LSP1: variants seen among roughly 807,000 people sequenced by gnomAD.
LSP1 encodes lymphocyte-specific protein 1.
A neutral mutation model predicts 49.3 loss-of-function variants in LSP1; 32 were observed. That is an observed-to-expected ratio of 0.65 (90% CI 0.49 to 0.87). LSP1 has a LOEUF of 0.87. Among genes scored for constraint, LSP1 ranks in the 40% least tolerant of loss-of-function variants. LSP1 has a pLI of 0.00. For missense variants in LSP1, 428 were observed against 442.6 expected (o/e 0.97, Z 0.30); for synonymous variants, 179 against 178.8 (o/e 1.00, Z -0.01).
At chr11:1,889,762 G>T in intron 10 of LSP1, 3 of 650,006 alleles carry the variant, frequency 4.6e-6, no homozygotes, top group Non-Finnish European at 8.5e-6. Flanking sequence ...TCCAGCGAGC[G>T]GCAGGTCGGG....
chr11:1,890,328 C>G (rs1589836617), intron 10 of LSP1: 1 of 712,950 alleles, frequency 1.4e-6, no homozygotes, highest in Non-Finnish European at 2.6e-6. Flanking sequence ...GGGGTGCGGG[C>G]CCTCAGCAGC....
At chr11:1,888,786 G>A (rs893743310) in intron 10 of LSP1, 2 of 223,596 alleles carry the variant, frequency 8.9e-6, no homozygotes, top group Non-Finnish European at 1.7e-5. Flanking sequence ...ATCAGTGAGA[G>A]GCCCAGGCCC....
At chr11:1,855,585 G>A (rs1847468357) in intron 1 of LSP1, among the ~76,000 whole-genome samples, 1 of 152,196 alleles carries the variant, frequency 6.6e-6, no homozygotes, top group Admixed American at 6.5e-5. Flanking sequence ...CCCAGGACAG[G>A]ACTGTCCTCT....
intron 8 of LSP1, 129 bp from the exon 9 acceptor site, chr11:1,887,107 GA>G: frequency 1.0e-6 from 1 of 1,002,552 alleles, no homozygotes; most frequent in Non-Finnish European, 1.5e-6. Flanking sequence ...GGATCACACA[GA>G]AAAAGTTTAG....
At chr11:1,881,880 G>A (rs905009886) in intron 3 of LSP1, among the ~76,000 whole-genome samples, 4 of 152,168 alleles carry the variant, frequency 2.6e-5, no homozygotes, top group Non-Finnish European at 5.9e-5. Flanking sequence ...GAGGGGCCGC[G>A]AGGAAACCTC....
chr11:1,889,420 C>T (rs767812225), intron 10 of LSP1: 27 of 672,566 alleles, frequency 4.0e-5, no homozygotes, highest in East Asian at 2.7e-5. Flanking sequence ...GCCCGGGGTG[C>T]GGTGAGGGCG....
intron 1 of LSP1, chr11:1,866,594 C>T (rs1847797991): frequency 6.5e-7 from 1 of 1,550,080 alleles, no homozygotes; most frequent in African/African-American, 1.4e-5. Flanking sequence ...TCCCCCTACC[C>T]CTGGCCCCCC....
Position 1,858,708 on chromosome 11 carries a change from T to C in LSP1, c.53+5511T>C, listed in dbSNP as rs570539286. Among the ~76,000 whole-genome samples the C allele has an allele frequency of 4.6e-5, 7 of 152,300 alleles. No homozygotes were observed. The South Asian group carries it at 1.2e-3, about 27-fold the overall frequency. ...GCCCCTTCCCCAGGGTTAGACTCTC[T>C]ACAGCCGGCCCAGCCCCCATCCCCT... is the stretch of plus-strand genomic sequence containing the variant. On this transcript the variant is annotated intron_variant, in intron 1 of 10. Transcript: ENST00000311604.
intron 1 of LSP1, among the ~76,000 whole-genome samples, chr11:1,856,983 G>A (rs905260790): frequency 6.6e-6 from 1 of 152,190 alleles, no homozygotes; most frequent in Non-Finnish European, 1.5e-5. Flanking sequence ...GCTAAGCCCT[G>A]GGGCTCCCTC....
At chr11:1,878,019 G>A (rs1163738405) in intron 1 of LSP1, among the ~76,000 whole-genome samples, 1 of 152,150 alleles carries the variant, frequency 6.6e-6, no homozygotes. Context: ...CTTGGTGGAG[G>A]GGGTCTGTGG....
rs2054448692 is a variant in LSP1 at position 1,881,491 on chromosome 11, G to A, written c.251G>A (p.Trp84Ter). ...GATGAGGACGAGGGCTTTGGCGACT[G>A]GTCCCAGAGGCCAGAGCAGCGGCAG... Reference protein sequence around the residue: ...ELDEDEGFGDWSQRPEQRQQH... With the variant: ...ELDEDEGFGD Residue 84 changes from tryptophan (W) to a stop codon, truncating the protein, a stop_gained, in exon 3 of 11, where the codon TGG (tryptophan) becomes TAG (stop). Transcript: ENST00000311604. LOFTEE classifies it high-confidence loss of function. 6.3e-7 allele frequency: 1 copy of A among 1,577,410 alleles called. No individual in the cohort carries two copies. The highest frequency in any genetic ancestry group is 8.6e-7 in the Non-Finnish European group (1 of 1,161,006).
intron 1 of LSP1, chr11:1,866,410 G>A: frequency 7.1e-7 from 1 of 1,408,750 alleles, no homozygotes; most frequent in Middle Eastern, 1.9e-4. Context: ...CTGAGGAGTT[G>A]AGGGCAGCCC....
intron 1 of LSP1, chr11:1,871,265 C>A: frequency 7.1e-6 from 7 of 986,912 alleles, no homozygotes; most frequent in Non-Finnish European, 7.2e-6. Context: ...CGCCGGGATG[C>A]AGCAGGCAGG....
intron 1 of LSP1, among the ~76,000 whole-genome samples, chr11:1,873,188 C>T (rs765367826): frequency 4.3e-5 from 6 of 140,754 alleles, no homozygotes; most frequent in East Asian, 2.4e-4. Context: ...GAGGGCTGTG[C>T]GGGTGGGGGG....
intron 3 of LSP1, among the ~76,000 whole-genome samples, chr11:1,883,157 C>T (rs1384972437): frequency 1.3e-5 from 2 of 152,248 alleles, no homozygotes; most frequent in African/African-American, 4.8e-5. Flanking sequence ...GGGGGACCCT[C>T]AGTCTGTAGA....
chr11:1,869,203 A>G lies in LSP1; in HGVS notation c.54-10884A>G, dbSNP rs116039101. 8.3e-3 allele frequency: 1,770 copies of G among 212,958 alleles called. 30 individuals are homozygous for G. The highest frequency in any genetic ancestry group is 0.038 in the African/African-American group (1,640 of 43,116). The allele number at this position is 212,958 out of a possible 1,614,324, so 13.2% of individuals were successfully genotyped here. ...GCTACCCATGACGGGTTGGGGAGGT[A>G]TTGGTGCGAGCTGAGGTGGTGCTTG... On this transcript the variant is annotated intron_variant, in intron 1 of 10. Coordinates refer to ENST00000311604, the MANE Select transcript of LSP1 (RefSeq NM_002339.3).
intron 1 of LSP1, among the ~76,000 whole-genome samples, chr11:1,867,620 C>G (rs1402062526): frequency 6.6e-6 from 1 of 152,172 alleles, no homozygotes; most frequent in Non-Finnish European, 1.5e-5. Context: ...TCACCCCACC[C>G]CTTTCCCGGG....
intron 2 of LSP1, chr11:1,881,028 C>T: frequency 6.2e-6 from 1 of 161,840 alleles, no homozygotes; most frequent in Non-Finnish European, 1.3e-5. Flanking sequence ...TCTTAGGGAG[C>T]CACAGGCTGA....
At chr11:1,866,103 G>A (rs1188152269) in intron 1 of LSP1, among the ~76,000 whole-genome samples, 4 of 152,228 alleles carry the variant, frequency 2.6e-5, no homozygotes, top group East Asian at 1.9e-4. Flanking sequence ...CCTCTGCACC[G>A]TCAGCCACTC....
Sources: allele counts gnomAD v4.1 joint callset (sites outside exome capture counted in the v4.1 genomes callset), GRCh38; gene constraint gnomAD v4.1.1; transcripts MANE v1.5; gene names NCBI Gene and HGNC (gene_info 2026-07-23, HGNC 2026-07-21).